The following FHIT variants were observed in gnomAD, a reference collection of about 807,000 sequenced individuals.
The protein encoded by FHIT is bis(5'-adenosyl)-triphosphatase.
Under a neutral mutation model 17.9 loss-of-function variants are expected in FHIT, and 19 were observed. That is an observed-to-expected ratio of 1.06 (90% CI 0.74 to 1.56). The LOEUF is 1.56. FHIT is among the 40% of genes most tolerant of loss of function. The pLI, the probability that FHIT is intolerant of heterozygous loss-of-function variation, is 0.00. For synonymous variants in FHIT, 81 were observed against 69.7 expected (o/e 1.16, Z -0.81); for missense variants, 248 against 189.2 (o/e 1.31, Z -1.82).
At chr3:60,868,172 T>C (rs1704246378) in intron 3 of FHIT, among the ~76,000 whole-genome samples, 1 of 152,216 alleles carries the variant, frequency 6.6e-6, no homozygotes, top group African/African-American at 2.4e-5. Flanking sequence ...GGATTATTGA[T>C]GCCTTGGCCA....
At chr3:60,823,434 G>T (rs548187836) in intron 3 of FHIT, among the ~76,000 whole-genome samples, 10 of 152,236 alleles carry the variant, frequency 6.6e-5, no homozygotes, top group African/African-American at 2.4e-4. Flanking sequence ...GGAGATCGGT[G>T]GGCAGGCCTC....
At chr3:60,141,227 G>C (rs1022867457) in intron 5 of FHIT, among the ~76,000 whole-genome samples, 25 of 152,136 alleles carry the variant, frequency 1.6e-4, no homozygotes, top group African/African-American at 5.8e-4. Context: ...TAAATGCACA[G>C]ATAATTGATT....
chr3:60,309,922 A>G (rs987902475), intron 5 of FHIT, among the ~76,000 whole-genome samples: 1 of 152,072 alleles, frequency 6.6e-6, no homozygotes, highest in African/African-American at 2.4e-5. Flanking sequence ...ATACTTAATC[A>G]CACGTGCTTT....
chr3:60,317,617 A>G (rs909469636), intron 5 of FHIT, among the ~76,000 whole-genome samples: 17 of 141,024 alleles, frequency 1.2e-4, no homozygotes, highest in African/African-American at 3.1e-4. Flanking sequence ...GTAATTATAT[A>G]TGTGTGTGTG....
At chr3:60,146,092 C>T (rs907146003) in intron 5 of FHIT, among the ~76,000 whole-genome samples, 9 of 152,006 alleles carry the variant, frequency 5.9e-5, no homozygotes, top group Non-Finnish European at 1.2e-4. Flanking sequence ...TTTAGCCAGT[C>T]CAAATCTCTT....
At chr3:60,703,717 G>A (rs1265922124) in intron 4 of FHIT, among the ~76,000 whole-genome samples, 1 of 152,014 alleles carries the variant, frequency 6.6e-6, no homozygotes, top group Non-Finnish European at 1.5e-5. Context: ...AAGAACCATA[G>A]GGAATATCTG....
intron 7 of FHIT, among the ~76,000 whole-genome samples, chr3:59,938,471 A>G (rs1197110608): frequency 2.6e-5 from 4 of 152,132 alleles, no homozygotes; most frequent in South Asian, 2.1e-4. Context: ...ACCAGTCTAG[A>G]GATCTAACAT....
intron 4 of FHIT, among the ~76,000 whole-genome samples, chr3:60,543,516 A>T (rs1435024409): frequency 6.6e-6 from 1 of 152,220 alleles, no homozygotes; most frequent in Non-Finnish European, 1.5e-5. Flanking sequence ...CTCTTGTAAT[A>T]GAGTTTTAAA....
At position 61,024,194 on chromosome 3, in the gene FHIT, G is replaced by C. The variant is rs974313500; in HGVS notation, c.-111+17853C>G. On this transcript the variant is annotated intron_variant, in intron 3 of 9. Transcript: ENST00000492590. ...GCATCTTTTCAAAACAACCTACACAGAGTAACTCTTAAAAATCTGCTAGTG... is the reference window on the plus strand; with the variant it reads ...GCATCTTTTCAAAACAACCTACACACAGTAACTCTTAAAAATCTGCTAGTG... 5.3e-5 allele frequency among the ~76,000 whole-genome samples: 8 copies of C among 152,000 alleles called. No individual in the cohort carries two copies. The South Asian group carries it at 1.2e-3, about 24-fold the overall frequency.
At chr3:60,096,138 C>A (rs191067143) in intron 5 of FHIT, among the ~76,000 whole-genome samples, 56 of 152,302 alleles carry the variant, frequency 3.7e-4, no homozygotes, top group African/African-American at 1.1e-3. Flanking sequence ...CCACTTAGCC[C>A]GCTCAGGCCG....
intron 5 of FHIT, among the ~76,000 whole-genome samples, chr3:60,291,175 G>T (rs1418024573): frequency 6.6e-6 from 1 of 152,100 alleles, no homozygotes; most frequent in Non-Finnish European, 1.5e-5. Context: ...TCTCTGCTGG[G>T]GAGAGGGGTT....
At chr3:60,170,352 A>G (rs1168800347) in intron 5 of FHIT, among the ~76,000 whole-genome samples, 1 of 152,174 alleles carries the variant, frequency 6.6e-6, no homozygotes, top group Non-Finnish European at 1.5e-5. Flanking sequence ...TGTAAATCCA[A>G]CCATGAATGA....
At chr3:60,362,087 T>C (rs1699929513) in intron 5 of FHIT, among the ~76,000 whole-genome samples, 1 of 152,082 alleles carries the variant, frequency 6.6e-6, no homozygotes, top group Non-Finnish European at 1.5e-5. Context: ...AAAAAAATAA[T>C]TTTATTGTGT....
At chr3:59,893,851 T>C (rs1703955720) in intron 8 of FHIT, among the ~76,000 whole-genome samples, 2 of 152,180 alleles carry the variant, frequency 1.3e-5, no homozygotes, top group Non-Finnish European at 2.9e-5. Flanking sequence ...GCAAAGAGTT[T>C]TCATCTCAAA....
At chr3:60,419,306 A>G (rs1298240312) in intron 5 of FHIT, among the ~76,000 whole-genome samples, 1 of 152,110 alleles carries the variant, frequency 6.6e-6, no homozygotes, top group Non-Finnish European at 1.5e-5. Flanking sequence ...CCTCTCTATC[A>G]TTCTTAGCTA....
intron 2 of FHIT, among the ~76,000 whole-genome samples, chr3:61,108,138 T>C (rs943835339): frequency 6.6e-6 from 1 of 152,190 alleles, no homozygotes; most frequent in Non-Finnish European, 1.5e-5. Context: ...ATTTTTTTCA[T>C]ATACTTGGCC....
intron 4 of FHIT, among the ~76,000 whole-genome samples, chr3:60,551,260 A>C (rs241685): frequency 1.3e-5 from 2 of 150,448 alleles, no homozygotes; most frequent in Non-Finnish European, 3.0e-5. Context: ...ACTCGTGATA[A>C]CAAAGATTCA....
At chr3:60,571,556 T>A (rs951454387) in intron 4 of FHIT, among the ~76,000 whole-genome samples, 1 of 152,030 alleles carries the variant, frequency 6.6e-6, no homozygotes, top group Non-Finnish European at 1.5e-5. Context: ...GCAAAAAGTG[T>A]GTCCCCAGAC....
intron 8 of FHIT, among the ~76,000 whole-genome samples, chr3:59,900,257 G>C (rs1704266964): frequency 6.6e-6 from 1 of 152,172 alleles, no homozygotes; most frequent in South Asian, 2.1e-4. Context: ...AGGGCATGAG[G>C]AGAGTGAGCC....
Sources: gnomAD v4.1 joint callset for allele counts (sites outside exome capture counted in the v4.1 genomes callset) on GRCh38, gnomAD v4.1.1 for gene constraint, MANE v1.5 for transcripts, NCBI Gene and HGNC (gene_info 2026-07-23, HGNC 2026-07-21) for gene names.